The following IGF2BP2 variants were observed in gnomAD, a reference collection of about 807,000 sequenced individuals.
IGF2BP2 encodes insulin-like growth factor 2 mRNA-binding protein 2.
Under a neutral mutation model 75.8 loss-of-function variants are expected in IGF2BP2, and 17 were observed. The observed-to-expected ratio is 0.22, with a 90% CI of 0.15 to 0.34. The LOEUF is 0.34. Ranked by LOEUF, IGF2BP2 falls within the 10% of genes least tolerant of loss-of-function variation. IGF2BP2 has a pLI of 1.00. For missense variants in IGF2BP2, 516 were observed against 772.4 expected, an observed-to-expected ratio of 0.67 and a Z score of 3.93; for synonymous variants, 288 against 295.6, an observed-to-expected ratio of 0.97 and a Z score of 0.26.
At chr3:185,783,575 T>C (rs1321881692) in intron 2 of IGF2BP2, among the ~76,000 whole-genome samples, 1 of 152,226 alleles carries the variant, frequency 6.6e-6, no homozygotes, top group African/African-American at 2.4e-5. Context: ...CTGTACCTCA[T>C]TGTCTTTATC....
At chr3:185,796,208 G>C (rs1448258004) in intron 2 of IGF2BP2, among the ~76,000 whole-genome samples, 1 of 152,024 alleles carries the variant, frequency 6.6e-6, no homozygotes, top group Non-Finnish European at 1.5e-5. Context: ...CTTAGATCCA[G>C]TTTGCATATT....
intron 2 of IGF2BP2, among the ~76,000 whole-genome samples, chr3:185,734,902 G>T (rs1187838585): frequency 6.6e-6 from 1 of 152,022 alleles, no homozygotes; most frequent in Non-Finnish European, 1.5e-5. Context: ...CAACTCCGAC[G>T]TGCCTCAATC....
At chr3:185,776,451 TG>T (rs1311970157) in intron 2 of IGF2BP2, among the ~76,000 whole-genome samples, 2 of 152,128 alleles carry the variant, frequency 1.3e-5, no homozygotes, top group East Asian at 3.8e-4. Flanking sequence ...GGTTACTGAC[TG>T]GAGAAATGAA....
intron 2 of IGF2BP2, among the ~76,000 whole-genome samples, chr3:185,788,143 G>C (rs1471245291): frequency 6.6e-6 from 1 of 152,258 alleles, no homozygotes; most frequent in South Asian, 2.1e-4. Flanking sequence ...TTTTACTGCT[G>C]GGTCCTTAGT....
chr3:185,697,767 T>C (rs942495525), intron 3 of IGF2BP2, among the ~76,000 whole-genome samples: 2 of 152,184 alleles, frequency 1.3e-5, no homozygotes, highest in African/African-American at 4.8e-5. Context: ...GGTGGATTGC[T>C]TGAACCTAAG....
chr3:185,776,440 G>A (rs1235309454), intron 2 of IGF2BP2, among the ~76,000 whole-genome samples: 1 of 152,066 alleles, frequency 6.6e-6, no homozygotes, highest in Non-Finnish European at 1.5e-5. Flanking sequence ...AGTGAGGACC[G>A]GGTTACTGAC....
At chr3:185,728,583 T>C (rs1031888756) in intron 2 of IGF2BP2, 8 of 152,192 alleles carry the variant, frequency 5.3e-5, no homozygotes, top group Non-Finnish European at 7.3e-5. Flanking sequence ...ATCAAAAAAC[T>C]AGGTGAGTCT....
At chr3:185,771,216 G>C (rs995007794) in intron 2 of IGF2BP2, among the ~76,000 whole-genome samples, 1 of 152,224 alleles carries the variant, frequency 6.6e-6, no homozygotes, top group Admixed American at 6.5e-5. Context: ...GAGTTGGGCC[G>C]ATCACTTGAG....
At chr3:185,722,116 TAG>T (rs910530235) in intron 2 of IGF2BP2, 5 of 333,406 alleles carry the variant, frequency 1.5e-5, no homozygotes, top group South Asian at 2.3e-5. Flanking sequence ...TTTTTTTTTG[TAG>T]AGAGAGTGTC....
intron 2 of IGF2BP2, among the ~76,000 whole-genome samples, chr3:185,740,222 C>T (rs1319083055): frequency 6.6e-6 from 1 of 152,134 alleles, no homozygotes; most frequent in African/African-American, 2.4e-5. Flanking sequence ...CACAATTGGA[C>T]TGGCATGAAA....
intron 2 of IGF2BP2, among the ~76,000 whole-genome samples, chr3:185,755,212 G>GGCT (rs1731457314): frequency 6.6e-6 from 1 of 152,220 alleles, no homozygotes. Flanking sequence ...CACCTCAGGA[G>GGCT]GCTGCAACCC....
intron 2 of IGF2BP2, among the ~76,000 whole-genome samples, chr3:185,787,020 G>A (rs1735986008): frequency 6.6e-6 from 1 of 152,124 alleles, no homozygotes; most frequent in Non-Finnish European, 1.5e-5. Context: ...CTGTCCTGTG[G>A]GCTGGAGTCT....
intron 2 of IGF2BP2, among the ~76,000 whole-genome samples, chr3:185,821,878 A>C (rs1470030660): frequency 6.6e-6 from 1 of 152,180 alleles, no homozygotes; most frequent in Non-Finnish European, 1.5e-5. Context: ...TTTAAAGAAA[A>C]GTATACAAAT....
At chr3:185,687,576 T>C (rs546871602) in intron 6 of IGF2BP2, among the ~76,000 whole-genome samples, 56 of 152,354 alleles carry the variant, frequency 3.7e-4, no homozygotes, top group Admixed American at 5.2e-4. Flanking sequence ...TCTGAACTGA[T>C]TGCAGCTTTT....
intron 2 of IGF2BP2, among the ~76,000 whole-genome samples, chr3:185,816,004 T>C (rs910218632): frequency 6.6e-6 from 1 of 152,126 alleles, no homozygotes; most frequent in Non-Finnish European, 1.5e-5. Context: ...GAAAGTGACG[T>C]AGAGAAAGAT....
At chr3:185,725,796 A>AC (rs1252420370) in intron 2 of IGF2BP2, among the ~76,000 whole-genome samples, 3 of 152,186 alleles carry the variant, frequency 2.0e-5, no homozygotes, top group South Asian at 2.1e-4. Flanking sequence ...ACATATTGAG[A>AC]CCCCAATCTC....
intron 10 of IGF2BP2, among the ~76,000 whole-genome samples, chr3:185,661,635 C>CAA (rs562781189): frequency 1.3e-3 from 51 of 39,296 alleles, no homozygotes; most frequent in East Asian, 2.4e-3. Flanking sequence ...AAGACTGTCT[C>CAA]AAAAAAAAAA....
chr3:185,662,693 C>G (rs1031349267), intron 10 of IGF2BP2, among the ~76,000 whole-genome samples: 1 of 151,824 alleles, frequency 6.6e-6, no homozygotes, highest in Admixed American at 6.6e-5. Context: ...CAGGTACCCA[C>G]CACCACGCAT....
intron 2 of IGF2BP2, among the ~76,000 whole-genome samples, chr3:185,703,722 C>T (rs1433530472): frequency 1.3e-5 from 2 of 151,752 alleles, no homozygotes; most frequent in Non-Finnish European, 2.9e-5. Flanking sequence ...TGCAGTGAGC[C>T]GAGACTGAGC....
Sources: allele counts gnomAD v4.1 joint callset (sites outside exome capture counted in the v4.1 genomes callset), GRCh38; gene constraint gnomAD v4.1.1; transcripts MANE v1.5; gene names NCBI Gene and HGNC (gene_info 2026-07-23, HGNC 2026-07-21).